Variants in ACVR1 observed in about 807,000 individuals in gnomAD.
The protein encoded by ACVR1 is activin A receptor type 1.
Under a neutral mutation model 57.1 loss-of-function variants are expected in ACVR1, and 38 were observed. The observed-to-expected ratio is 0.67, with a 90% CI of 0.51 to 0.87. The LOEUF is 0.87. Ranked by LOEUF, ACVR1 falls within the 40% of genes least tolerant of loss-of-function variation. The pLI is 0.00. For missense variants in ACVR1, 463 were observed against 638.2 expected (o/e 0.73, Z 2.96); for synonymous variants, 212 against 228.1 (o/e 0.93, Z 0.63).
At chr2:157,825,113 T>G (rs1455464616) in intron 1 of ACVR1, among the ~76,000 whole-genome samples, 1 of 152,162 alleles carries the variant, frequency 6.6e-6, no homozygotes, top group South Asian at 2.1e-4. Context: ...TCTTTCCCTA[T>G]GCAAGGCCCA....
chr2:157,846,259 G>C (rs1337292879), intron 1 of ACVR1, among the ~76,000 whole-genome samples: 1 of 152,218 alleles, frequency 6.6e-6, no homozygotes, highest in Admixed American at 6.5e-5. Context: ...GCCAAAGGAA[G>C]TGGATTCTCC....
At chr2:157,769,548 C>T (rs151276868) in intron 7 of ACVR1, among the ~76,000 whole-genome samples, 31 of 152,310 alleles carry the variant, frequency 2.0e-4, no homozygotes, top group Non-Finnish European at 4.4e-4. Context: ...TTGCAGACAA[C>T]TTGACTCATT....
At chr2:157,778,546 GAA>G (rs1457358252) in intron 4 of ACVR1, among the ~76,000 whole-genome samples, 1 of 152,140 alleles carries the variant, frequency 6.6e-6, no homozygotes, top group Non-Finnish European at 1.5e-5. Flanking sequence ...ACTAGAATTT[GAA>G]AAAATTCCAC....
intron 9 of ACVR1, among the ~76,000 whole-genome samples, chr2:157,745,342 TG>T (rs1684927973): frequency 6.6e-6 from 1 of 152,128 alleles, no homozygotes; most frequent in African/African-American, 2.4e-5. Flanking sequence ...TCCAAACATT[TG>T]GTAGCTATGA....
intron 3 of ACVR1, among the ~76,000 whole-genome samples, chr2:157,789,838 A>G (rs1440454887): frequency 6.6e-6 from 1 of 152,228 alleles, no homozygotes; most frequent in Non-Finnish European, 1.5e-5. Context: ...GTTTAACTCC[A>G]AAACTTTCTA....
chr2:157,834,316 CTCCTG>C, intron 1 of ACVR1, among the ~76,000 whole-genome samples: 1 of 152,254 alleles, frequency 6.6e-6, no homozygotes, highest in African/African-American at 2.4e-5. Flanking sequence ...TGGTCTCGAT[CTCCTG>C]ACCTCAGGTG....
chr2:157,806,921 T>C (rs1034114810), intron 2 of ACVR1: 2 of 152,222 alleles, frequency 1.3e-5, no homozygotes, highest in Non-Finnish European at 2.9e-5. Context: ...AATTTGATCT[T>C]TCATGATAGA....
At chr2:157,815,442 T>C (rs751561204) in intron 2 of ACVR1, among the ~76,000 whole-genome samples, 9 of 152,226 alleles carry the variant, frequency 5.9e-5, no homozygotes, top group Middle Eastern at 3.4e-3. Context: ...ATAAGAAAAA[T>C]ACAAATATTC....
intron 1 of ACVR1, among the ~76,000 whole-genome samples, chr2:157,850,508 G>A (rs1444859725): frequency 1.3e-5 from 2 of 152,062 alleles, no homozygotes; most frequent in Non-Finnish European, 2.9e-5. Flanking sequence ...AACCCTAATA[G>A]TAAGAACAAA....
intron 3 of ACVR1, among the ~76,000 whole-genome samples, chr2:157,798,845 CAT>C (rs548832711): frequency 3.2e-4 from 48 of 151,454 alleles, no homozygotes; most frequent in African/African-American, 1.0e-3. Flanking sequence ...TGTTTAAACA[CAT>C]GTTTTATTGT....
chr2:157,789,299 T>C (rs373094924), intron 3 of ACVR1, among the ~76,000 whole-genome samples: 5 of 152,338 alleles, frequency 3.3e-5, no homozygotes, highest in African/African-American at 1.2e-4. Context: ...ATCTGTGCCA[T>C]GGCAAACCAT....
At chr2:157,847,320 C>T (rs1332948249) in intron 1 of ACVR1, among the ~76,000 whole-genome samples, 2 of 151,758 alleles carry the variant, frequency 1.3e-5, no homozygotes, top group African/African-American at 2.4e-5. Context: ...CTAAAGTTCA[C>T]AAAAAAACAC....
At chr2:157,773,500 T>C (rs917507799) in intron 6 of ACVR1, among the ~76,000 whole-genome samples, 24 of 152,340 alleles carry the variant, frequency 1.6e-4, no homozygotes, top group African/African-American at 5.8e-4. Context: ...GAAATGTTTA[T>C]GAGCTTAAAA....
chr2:157,785,548 G>A (rs1686683639), intron 3 of ACVR1, among the ~76,000 whole-genome samples: 1 of 152,096 alleles, frequency 6.6e-6, no homozygotes, highest in Non-Finnish European at 1.5e-5. Flanking sequence ...GCCTAGTGAG[G>A]GGCATTTGAT....
At chr2:157,842,179 A>C (rs565662934) in intron 1 of ACVR1, among the ~76,000 whole-genome samples, 31 of 152,316 alleles carry the variant, frequency 2.0e-4, no homozygotes, top group African/African-American at 6.5e-4. Context: ...ATACTGAAGA[A>C]GACCTTGGAA....
chr2:157,816,469 C>T (rs1430770247), intron 2 of ACVR1, among the ~76,000 whole-genome samples: 2 of 150,586 alleles, frequency 1.3e-5, no homozygotes, highest in South Asian at 2.1e-4. Context: ...TGGTTGTGTA[C>T]ATCTATAGTC....
chr2:157,800,939 C>T (rs544684483), intron 2 of ACVR1, among the ~76,000 whole-genome samples: 35 of 152,062 alleles, frequency 2.3e-4, no homozygotes, highest in Admixed American at 1.2e-3. Flanking sequence ...TACATGATTC[C>T]GGCTCAAAGG....
chr2:157,753,314 G>T (rs945999300), intron 9 of ACVR1, among the ~76,000 whole-genome samples: 3 of 152,234 alleles, frequency 2.0e-5, no homozygotes, highest in African/African-American at 7.2e-5. Context: ...CAGATCACAA[G>T]GTCAGGAGTT....
intron 1 of ACVR1, among the ~76,000 whole-genome samples, chr2:157,838,904 T>C (rs1688881163): frequency 6.6e-6 from 1 of 152,114 alleles, no homozygotes; most frequent in African/African-American, 2.4e-5. Context: ...AACATGCAGG[T>C]GTCAAGCAAT....
Sources: allele counts gnomAD v4.1 joint callset (sites outside exome capture counted in the v4.1 genomes callset), GRCh38; gene constraint gnomAD v4.1.1; transcripts MANE v1.5; gene names NCBI Gene and HGNC (gene_info 2026-07-23, HGNC 2026-07-21).